EIF2AK2: variants seen among roughly 807,000 people sequenced by gnomAD.
The protein encoded by EIF2AK2 is interferon-induced, double-stranded RNA-activated protein kinase.
Under a neutral mutation model 70.5 loss-of-function variants are expected in EIF2AK2, and 40 were observed. That is an observed-to-expected ratio of 0.57 (90% confidence interval 0.44 to 0.74). EIF2AK2 has a LOEUF of 0.74. EIF2AK2 is among the 30% of genes least tolerant of loss of function. The pLI is 0.00. For synonymous variants in EIF2AK2, 198 were observed against 220.9 expected (o/e 0.90, Z 0.92); for missense variants, 555 against 644.3 (o/e 0.86, Z 1.50).
intron 4 of EIF2AK2, among the ~76,000 whole-genome samples, chr2:37,143,108 A>G (rs1675392971): frequency 6.6e-6 from 1 of 151,996 alleles, no homozygotes; most frequent in South Asian, 2.1e-4. Flanking sequence ...GGGTGCCTGT[A>G]ATCTCAGCTA....
Position 37,139,746 on chromosome 2 carries a change from T to C in EIF2AK2, c.401A>G (p.Lys134Arg), listed in dbSNP as rs778234495. The C allele has an allele frequency of 6.2e-7, 1 of 1,610,144 alleles. No individual in the cohort carries two copies. Among genetic ancestry groups the C allele is most frequent in the Admixed American group, 1.7e-5 (1 of 59,050 alleles). ...GVHGPEGFHY[K>R]CKMGQKEYSI... is the part of the protein sequence containing the mutation. ...ATATTCTTTCTGTCCCATTTTGCAT[T>C]TATAATGAAATCTAGGAGAAATCAT... Residue 134 changes from lysine to arginine, a missense_variant, in exon 6 of 17, where the codon AAA becomes AGA. Physicochemically the swap from Lys to Arg is conservative, Grantham distance 26. Transcript: ENST00000233057.
intron 10 of EIF2AK2, among the ~76,000 whole-genome samples, chr2:37,129,150 G>A (rs1226705353): frequency 6.6e-6 from 1 of 151,998 alleles, no homozygotes; most frequent in African/African-American, 2.4e-5. Context: ...TTTAACAACA[G>A]AGATGAGGAA....
intron 9 of EIF2AK2, 174 bp downstream of exon 9, chr2:37,136,809 A>G: frequency 1.9e-6 from 1 of 537,896 alleles, no homozygotes; most frequent in East Asian, 3.6e-5. Flanking sequence ...GCATGTGCAC[A>G]TAGTCAAAGA....
intron 1 of EIF2AK2, among the ~76,000 whole-genome samples, chr2:37,154,451 T>C (rs1184360607): frequency 6.6e-6 from 1 of 152,222 alleles, no homozygotes; most frequent in South Asian, 2.1e-4. Flanking sequence ...AATCCAGTAG[T>C]CAGTTCTTAG....
chr2:37,132,747 C>T (rs962035494), intron 10 of EIF2AK2, among the ~76,000 whole-genome samples: 3 of 152,296 alleles, frequency 2.0e-5, no homozygotes, highest in Admixed American at 2.0e-4. Flanking sequence ...CTCTATTTGC[C>T]AGAAAGCTTC....
rs547333474 is a variant in EIF2AK2 at position 37,119,496 on chromosome 2, T to C, written c.1248+463A>G. Reference sequence around the variant, plus strand: ...GTGCCAGTCACAGTAATTATTTGCATGGAAATGTTCAGATACCATTTTCTC... The same window carrying C: ...GTGCCAGTCACAGTAATTATTTGCACGGAAATGTTCAGATACCATTTTCTC... On this transcript the variant is annotated intron_variant, in intron 13 of 16. Transcript: ENST00000233057. 2.0e-5 allele frequency among the ~76,000 whole-genome samples: 3 copies of C among 152,284 alleles called. No homozygotes were observed. In the East Asian group the frequency reaches 5.8e-4, roughly 29 times the overall value.
chr2:37,143,578 C>T (rs1215992552), intron 4 of EIF2AK2, among the ~76,000 whole-genome samples: 2 of 152,042 alleles, frequency 1.3e-5, no homozygotes, highest in Non-Finnish European at 2.9e-5. Context: ...ATTCCCTAAA[C>T]AATACAGCAT....
chr2:37,146,839 A>AT lies in EIF2AK2; in HGVS notation c.240+13_240+14insA, dbSNP rs2307475. The AT allele has an allele frequency of 0.99, 1,588,137 of 1,604,994 alleles. 787,201 individuals carry two copies. Among genetic ancestry groups the AT allele is most frequent in the East Asian group, 1 (44,790 of 44,790 alleles). Reference sequence around the variant, plus strand: ...GCAAGTTCCCATTTATTAGGAAAAAAGGCAATCACTCACCTTCTTTTCCTT... The same window carrying AT: ...GCAAGTTCCCATTTATTAGGAAAAAATGGCAATCACTCACCTTCTTTTCCTT... On this transcript the variant is annotated intron_variant, in intron 4 of 16. Transcript: ENST00000233057.
chr2:37,145,145 T>TC (rs1675484310), intron 4 of EIF2AK2, among the ~76,000 whole-genome samples: 1 of 147,722 alleles, frequency 6.8e-6, no homozygotes, highest in African/African-American at 2.5e-5. Context: ...TTGTGGGTTT[T>TC]TTTTTTTTTT....
chr2:37,123,664 G>T lies in EIF2AK2; in HGVS notation c.909-1000C>A, dbSNP rs1674632725. On this transcript the variant is annotated intron_variant, in intron 11 of 16. Coordinates refer to ENST00000233057, the MANE Select transcript of EIF2AK2 (RefSeq NM_001135651.3). ...AAGCAAACCACATTTAGGCAGCAAG[G>T]CTAGGTAACCCAGGCAGTGTGAAGT... Among the ~76,000 whole-genome samples the T allele has an allele frequency of 3.3e-5, 5 of 152,274 alleles. No homozygotes were observed. The South Asian group carries it at 1.0e-3, about 32-fold the overall frequency.
intron 13 of EIF2AK2, among the ~76,000 whole-genome samples, chr2:37,117,135 C>T (rs1337355102): frequency 6.6e-6 from 1 of 151,434 alleles, no homozygotes; most frequent in Non-Finnish European, 1.5e-5. Flanking sequence ...ATCTCGTGAA[C>T]CCAGGAGTCA....
chr2:37,147,589 T>C lies in EIF2AK2; in HGVS notation c.119+99A>G, dbSNP rs1004821310. 6.8e-6 allele frequency: 5 copies of C among 738,358 alleles called. No homozygotes were observed. In the African/African-American group the frequency reaches 7.2e-5, roughly 11 times the overall value. 45.7% of individuals were successfully genotyped at this position (738,358 alleles called of 1,614,324 possible). On this transcript the variant is annotated intron_variant, in intron 3 of 16. Transcript: ENST00000233057. ...TTGGTTTTTTTGTCCTTGCGATAGT[T>C]TGCTGAGAATAATGGTTTCCAGCTT...
chr2:37,116,308 T>G (rs1674339635), intron 13 of EIF2AK2, among the ~76,000 whole-genome samples: 2 of 151,930 alleles, frequency 1.3e-5, no homozygotes, highest in African/African-American at 4.8e-5. Context: ...CAGCCTTGAC[T>G]TCCTCAGCTC....
At chr2:37,108,144 C>A (rs1375513566) in intron 15 of EIF2AK2, among the ~76,000 whole-genome samples, 2 of 144,968 alleles carry the variant, frequency 1.4e-5, no homozygotes, top group African/African-American at 2.6e-5. Context: ...GAAACTCTAT[C>A]TCAAAAAAAA....
At chr2:37,155,950 A>AAAAAAAAAAAG (rs10638880) in intron 1 of EIF2AK2, among the ~76,000 whole-genome samples, 8 of 139,008 alleles carry the variant, frequency 5.8e-5, no homozygotes, top group Non-Finnish European at 9.1e-5. Flanking sequence ...AAAAAAAAAA[A>AAAAAAAAAAAG]AAAAGAAAAG....
intron 10 of EIF2AK2, among the ~76,000 whole-genome samples, chr2:37,130,820 A>G (rs1270194529): frequency 6.6e-6 from 1 of 152,084 alleles, no homozygotes; most frequent in Non-Finnish European, 1.5e-5. Context: ...TATGTGGACA[A>G]TTTACTTCTT....
At chr2:37,154,265 C>T (rs1282820581) in intron 1 of EIF2AK2, among the ~76,000 whole-genome samples, 2 of 151,372 alleles carry the variant, frequency 1.3e-5, no homozygotes, top group African/African-American at 2.4e-5. Context: ...GTGGAGGTTG[C>T]GGTGAGCTGA....
Position 37,153,298 on chromosome 2 carries a change from G to C in EIF2AK2, c.-184+3610C>G, listed in dbSNP as rs541561999. The stretch of plus-strand genomic sequence containing the variant: ...ACAGAAAGTGTGTACCCATTAAACA[G>C]TAACTCCCCATTTCCCAGTCCTTTC... On this transcript the variant is annotated intron_variant, in intron 1 of 16. Coordinates refer to ENST00000233057, the MANE Select transcript of EIF2AK2 (RefSeq NM_001135651.3). Among the ~76,000 whole-genome samples, 205 of 145,824 alleles carry C rather than the reference G, an allele frequency of 1.4e-3. 1 individual carries two copies. The highest frequency in any genetic ancestry group is 4.9e-3 in the African/African-American group (196 of 40,326).
intron 10 of EIF2AK2, among the ~76,000 whole-genome samples, chr2:37,130,594 G>C (rs1033349407): frequency 6.6e-6 from 1 of 152,140 alleles, no homozygotes; most frequent in Admixed American, 6.5e-5. Context: ...CTATTTCTCT[G>C]CATTAGACCT....
Sources: allele counts gnomAD v4.1 joint callset (sites outside exome capture counted in the v4.1 genomes callset), GRCh38; gene constraint gnomAD v4.1.1; transcripts MANE v1.5; gene names NCBI Gene and HGNC (gene_info 2026-07-23, HGNC 2026-07-21).